Variants in KAZN observed in about 807,000 individuals in gnomAD.
KAZN encodes kazrin.
In KAZN, 40 loss-of-function variants were observed where a neutral mutation model predicts 87.4. The ratio of observed to expected loss-of-function variants is 0.46; its 90% CI spans 0.36 to 0.60. KAZN has a LOEUF of 0.60. Ranked by LOEUF, KAZN falls within the 20% of genes least tolerant of loss-of-function variation. The pLI is 0.00. For synonymous variants in KAZN, 466 were observed against 458.3 expected (o/e 1.02, Z -0.22); for missense variants, 898 against 1,073.9 (o/e 0.84, Z 2.29).
chr1:14,947,515 G>A (rs1036712223), intron 1 of KAZN, among the ~76,000 whole-genome samples: 6 of 152,222 alleles, frequency 3.9e-5, no homozygotes, highest in Admixed American at 2.6e-4. Context: ...TCAACTCTGT[G>A]TCCACCTGTG....
intron 2 of KAZN, among the ~76,000 whole-genome samples, chr1:14,278,276 A>T (rs1281882790): frequency 6.6e-6 from 1 of 151,394 alleles, no homozygotes; most frequent in Non-Finnish European, 1.5e-5. Context: ...CACACCTGAA[A>T]ATTAGCACTG....
intron 2 of KAZN, among the ~76,000 whole-genome samples, chr1:14,547,996 T>C (rs1673267475): frequency 6.7e-6 from 1 of 150,138 alleles, no homozygotes; most frequent in African/African-American, 2.4e-5. Flanking sequence ...AGAATTGTCT[T>C]GGGCCACACA....
intron 1 of KAZN, among the ~76,000 whole-genome samples, chr1:14,675,026 G>T (rs77253534): frequency 6.6e-6 from 1 of 152,106 alleles, no homozygotes; most frequent in Non-Finnish European, 1.5e-5. Flanking sequence ...TATCTTCAAG[G>T]CTCCCACATT....
Position 14,599,122 on chromosome 1 carries a change from GCGGCGGCGGCCCCGGCCCGGGCC to G in KAZN, c.129_151del (p.Gly44SerfsTer62). ...AACCGGAGACTGGCGGAACTGAGCG[GCGGCGGCGGCCCCGGCCCGGGCC>G]CGGGAGCCGCGGCCAGCGCCTCGGC... On this transcript the variant is annotated frameshift_variant, in exon 1 of 15. Coordinates refer to ENST00000376030, the MANE Select transcript of KAZN (RefSeq NM_201628.3). LOFTEE classifies it high-confidence loss of function. This position sits in a 1 kb window ranked among gnomAD's most constrained non-coding sequence, Gnocchi z 4.4. 6.5e-7 allele frequency: 1 copy of G among 1,528,292 alleles called. No individual in the cohort carries two copies. Among genetic ancestry groups the G allele is most frequent in the Non-Finnish European group, 8.8e-7 (1 of 1,141,280 alleles). 94.7% of individuals were successfully genotyped at this position (1,528,292 alleles called of 1,614,324 possible).
chr1:14,807,298 T>G (rs967374891), intron 1 of KAZN, among the ~76,000 whole-genome samples: 2 of 152,200 alleles, frequency 1.3e-5, no homozygotes, highest in East Asian at 3.8e-4. Context: ...AGTTCAGCAG[T>G]GTGGCTTTGC....
At chr1:14,581,373 C>T (rs1675535794) in intron 2 of KAZN, among the ~76,000 whole-genome samples, 2 of 152,150 alleles carry the variant, frequency 1.3e-5, no homozygotes, top group Admixed American at 6.5e-5. Flanking sequence ...GTGGCTCCAC[C>T]TTCAATACTG....
chr1:14,481,179 C>A (rs936495977), intron 2 of KAZN, among the ~76,000 whole-genome samples: 1 of 152,004 alleles, frequency 6.6e-6, no homozygotes, highest in Non-Finnish European at 1.5e-5. Flanking sequence ...TCTACCTCTG[C>A]CTCTTATGTG....
intron 2 of KAZN, among the ~76,000 whole-genome samples, chr1:14,306,427 C>G (rs1247310951): frequency 6.6e-6 from 1 of 152,156 alleles, no homozygotes; most frequent in African/African-American, 2.4e-5. Flanking sequence ...CAACAGGCCA[C>G]TTAGAAACTA....
rs368768615 is a variant in KAZN at position 14,277,662 on chromosome 1, GAA to G, written c.249+97084_249+97085del. Among the ~76,000 whole-genome samples, 282 of 112,332 alleles carry G rather than the reference GAA, an allele frequency of 2.5e-3. 1 individual carries two copies. Among genetic ancestry groups the G allele is most frequent in the African/African-American group, 7.6e-3 (249 of 32,578 alleles). The allele number at this position is 112,332 out of a possible 152,430, so 73.7% of individuals were successfully genotyped here. A position where few individuals can be genotyped will look rare whatever the true frequency, so the allele number is the denominator to read the frequency against. On this transcript the variant is annotated intron_variant, in intron 2 of 16. Transcript: ENST00000636203. ...TGGTGACAGAGCGAGACTCCCTCTT[GAA>G]AAAAAAAAAAAAAGAAAAAAGAAAG...
chr1:14,022,763 A>G (rs1640904084), intron 1 of KAZN, among the ~76,000 whole-genome samples: 2 of 152,094 alleles, frequency 1.3e-5, no homozygotes, highest in African/African-American at 4.8e-5. Flanking sequence ...CAAATGGCTT[A>G]AACAGTTAAT....
At chr1:14,955,413 G>A (rs1350557717) in intron 1 of KAZN, among the ~76,000 whole-genome samples, 4 of 152,234 alleles carry the variant, frequency 2.6e-5, no homozygotes, top group Admixed American at 2.6e-4. Flanking sequence ...TTGGAGCTTA[G>A]GCTGAGATTG....
intron 1 of KAZN, among the ~76,000 whole-genome samples, chr1:14,901,692 G>T (rs1655930969): frequency 6.6e-6 from 1 of 152,088 alleles, no homozygotes; most frequent in South Asian, 2.1e-4. Context: ...CTAGCAGATG[G>T]GTCCATCCAG....
chr1:15,092,671 A>C (rs1640608783), intron 8 of KAZN, among the ~76,000 whole-genome samples: 2 of 152,074 alleles, frequency 1.3e-5, no homozygotes, highest in South Asian at 4.1e-4. Context: ...ATGGGGTTTC[A>C]CCATGTTGCC....
At chr1:14,663,621 AAAAAC>A (rs543199285) in intron 1 of KAZN, among the ~76,000 whole-genome samples, 1 of 152,316 alleles carries the variant, frequency 6.6e-6, no homozygotes, top group South Asian at 2.1e-4. Flanking sequence ...GGCTGCTGTA[AAAAAC>A]AAAACAAAAC....
intron 1 of KAZN, among the ~76,000 whole-genome samples, chr1:14,734,282 G>A (rs994950842): frequency 6.6e-6 from 1 of 150,724 alleles, no homozygotes; most frequent in Admixed American, 6.6e-5. Context: ...TGGGGCCAGA[G>A]AGTCTGTGTT....
intron 1 of KAZN, among the ~76,000 whole-genome samples, chr1:13,917,555 G>A (rs1050976515): frequency 1.2e-4 from 18 of 152,100 alleles, no homozygotes; most frequent in African/African-American, 4.3e-4. Flanking sequence ...CAGCATTTTG[G>A]GAGGCGGAGT....
At chr1:14,800,801 A>G (rs1296647383) in intron 1 of KAZN, among the ~76,000 whole-genome samples, 2 of 152,220 alleles carry the variant, frequency 1.3e-5, no homozygotes, top group East Asian at 3.9e-4. Flanking sequence ...GTATGATTCC[A>G]TTCATAGGAA....
At chr1:14,416,058 G>A (rs1175216820) in intron 2 of KAZN, among the ~76,000 whole-genome samples, 23 of 152,074 alleles carry the variant, frequency 1.5e-4, no homozygotes. Flanking sequence ...AGAGTTTGCA[G>A]AAAAAAGGCA....
chr1:13,992,324 G>A (rs953239112), intron 1 of KAZN, among the ~76,000 whole-genome samples: 1 of 152,016 alleles, frequency 6.6e-6, no homozygotes, highest in South Asian at 2.1e-4. Context: ...AAATTATTGT[G>A]TGAATGGCTT....
Sources: allele counts gnomAD v4.1 joint callset (sites outside exome capture counted in the v4.1 genomes callset), GRCh38; gene constraint gnomAD v4.1.1; non-coding constraint Gnocchi (gnomAD v3.1); transcripts MANE v1.5; gene names NCBI Gene and HGNC (gene_info 2026-07-23, HGNC 2026-07-21).